The following BAD variants were observed in gnomAD, a reference collection of about 807,000 sequenced individuals.
The protein encoded by BAD is BCL2 associated agonist of cell death, also known as bcl2-associated agonist of cell death.
A neutral mutation model predicts 17.8 loss-of-function variants in BAD; 18 were observed. That is an observed-to-expected ratio of 1.01 (90% CI 0.70 to 1.50). BAD has a LOEUF of 1.50. BAD is among the 40% of genes most tolerant of loss of function. The probability of loss-of-function intolerance (pLI) is 0.00; values close to 1 mark genes in which losing one functional copy is unlikely to be tolerated. For synonymous variants in BAD, 112 were observed against 91.5 expected (o/e 1.22, Z -1.28); for missense variants, 294 against 239.3 (o/e 1.23, Z -1.51).
In BAD at chr11:64,274,389, G is replaced by GA. The variant is rs58134629; in HGVS notation, c.188-2587dup. Among the ~76,000 whole-genome samples, 687 of 105,334 alleles carry GA rather than the reference G, an allele frequency of 6.5e-3. 3 individuals carry two copies. Among genetic ancestry groups the GA allele is most frequent in the African/African-American group, 0.019 (517 of 27,796 alleles). 69.1% of individuals were successfully genotyped at this position (105,334 alleles called of 152,430 possible). On this transcript the variant is annotated intron_variant, in intron 2 of 3. Transcript: ENST00000309032. The stretch of plus-strand genomic sequence containing the variant: ...GTGACAGAGTGAAACTCTACCTCGA[G>GA]AAAAAAAAAAAAAGCAAGTAGGCGC...
chr11:64,280,646 T>C (rs1226738741), intron 2 of BAD, among the ~76,000 whole-genome samples: 1 of 140,566 alleles, frequency 7.1e-6, no homozygotes, highest in Non-Finnish European at 1.6e-5. Flanking sequence ...CCACCGCGCC[T>C]GGCCTAATTT....
In BAD at chr11:64,271,654, C is replaced by G. The variant is rs1423438115; in HGVS notation, c.337G>C (p.Glu113Gln). 6.6e-7 allele frequency: 1 copy of G among 1,508,588 alleles called. No homozygotes were observed. The highest frequency in any genetic ancestry group is 1.2e-5 in the South Asian group (1 of 80,064). 93.5% of individuals were successfully genotyped at this position (1,508,588 alleles called of 1,614,324 possible). ...AACTCGTCACTCATCCTCCGGAGCTCGCGGCCATAGCGCTGTGCTGCCCAG... is the reference window on the plus strand; with the variant it reads ...AACTCGTCACTCATCCTCCGGAGCTGGCGGCCATAGCGCTGTGCTGCCCAG... ...NLWAAQRYGR[E>Q]LRRMSDEFVD... is the part of the protein sequence containing the mutation. Residue 113 changes from glutamate to glutamine, a missense_variant, in exon 3 of 4, where the codon GAG becomes CAG. By Grantham distance (29) the Glu-to-Gln change is conservative (BLOSUM62 2). Transcript: ENST00000309032.
chr11:64,277,152 G>A (rs2033129765), intron 2 of BAD: 2 of 603,350 alleles, frequency 3.3e-6, no homozygotes, highest in African/African-American at 3.7e-5. Context: ...GAGCAGTGAA[G>A]CTCTGCCATC....
At chr11:64,284,049 A>G in intron 2 of BAD, 133 bp downstream of exon 2, 1 of 1,116,648 alleles carries the variant, frequency 9.0e-7, no homozygotes, top group Non-Finnish European at 1.2e-6. Context: ...TGTTTTACGA[A>G]AGAGGAAACT....
rs1310181798 is a variant in BAD, at chr11:64,270,167, G to C, written c.*42C>G. On this transcript the variant is annotated 3_prime_UTR_variant, in exon 4 of 4. Transcript: ENST00000309032. ...CGCCCATATTCAAGATGGCTGCCCA[G>C]GGCAGTGGGAACGGGTGGAGTTTCG... 1.9e-6 allele frequency: 3 copies of C among 1,613,776 alleles called. No homozygotes were observed. The highest frequency in any genetic ancestry group is 2.5e-6 in the Non-Finnish European group (3 of 1,179,946).
intron 2 of BAD, among the ~76,000 whole-genome samples, chr11:64,281,709 T>C (rs934048362): frequency 1.3e-5 from 2 of 152,174 alleles, no homozygotes; most frequent in African/African-American, 2.4e-5. Context: ...CCCCCGCCCC[T>C]GTGACTCCGG....
upstream of BAD, chr11:64,284,701 A>C (rs780777733): frequency 2.3e-5 from 35 of 1,534,864 alleles, no homozygotes; most frequent in Non-Finnish European, 3.1e-5. Context: ...TCCGGGCCCT[A>C]GTTGCTTGGG....
At position 64,271,713 on chromosome 11, in the gene BAD, A is replaced by C; in HGVS notation, c.278T>G (p.Phe93Cys). Reference sequence around the variant, plus strand: ...GGGCGCCGAGCGCGAGCGGCCCCGAAAGGGGCTGGGCTCCTCCCCCATCCC... The same window carrying C: ...GGGCGCCGAGCGCGAGCGGCCCCGACAGGGGCTGGGCTCCTCCCCCATCCC... ...DEGMGEEPSP[F>C]RGRSRSAPPN... The change falls in exon 3 of 4, where the codon TTT becomes TGT. Residue 93 changes from phenylalanine (F) to cysteine (C), a missense_variant. Phe to Cys is a radical substitution (Grantham distance 205, BLOSUM62 -2). Coordinates refer to ENST00000309032, the MANE Select transcript of BAD (RefSeq NM_032989.3). 1 of 1,473,762 alleles carries C rather than the reference A, an allele frequency of 6.8e-7. No individual in the cohort carries two copies. Among genetic ancestry groups the C allele is most frequent in the Non-Finnish European group, 9.0e-7 (1 of 1,114,196 alleles). The allele number at this position is 1,473,762 out of a possible 1,614,324, so 91.3% of individuals were successfully genotyped here.
intron 2 of BAD, among the ~76,000 whole-genome samples, chr11:64,281,651 G>A (rs1209816070): frequency 1.3e-5 from 2 of 152,172 alleles, no homozygotes; most frequent in Non-Finnish European, 2.9e-5. Context: ...TGGCTCCAGT[G>A]GTGCTTCTCA....
intron 2 of BAD, among the ~76,000 whole-genome samples, chr11:64,277,714 C>T (rs1035660507): frequency 6.6e-6 from 1 of 152,116 alleles, no homozygotes; most frequent in Non-Finnish European, 1.5e-5. Flanking sequence ...GCTGGGATTA[C>T]AGGTATGAAA....
intron 3 of BAD, among the ~76,000 whole-genome samples, chr11:64,271,381 T>TCACA (rs58303026): frequency 0.13 from 7,656 of 60,114 alleles, 1,372 homozygotes; most frequent in Non-Finnish European, 0.2. Context: ...GCCCTGTGAC[T>TCACA]CACACACACA....
chr11:64,270,267 ACT>A lies in BAD; in HGVS notation c.447_448del (p.Val150LeufsTer72), dbSNP rs2032409293. ...GTTCCGATCCCACCAGGACTGGAAG[ACT>A]CGCGTCCAGCTGGAGCTTTGCCGCA... On this transcript the variant is annotated frameshift_variant, in exon 4 of 4. Transcript: ENST00000309032. LOFTEE classifies it high-confidence loss of function. 2 of 1,594,126 alleles carry A rather than the reference ACT, an allele frequency of 1.3e-6. No individual in the cohort carries two copies. Among genetic ancestry groups the A allele is most frequent in the Non-Finnish European group, 1.7e-6 (2 of 1,165,620 alleles).
Position 64,270,168 on chromosome 11 carries a change from G to A in BAD, c.*41C>T, listed in dbSNP as rs1218879746. Reference sequence around the variant, plus strand: ...GCCCATATTCAAGATGGCTGCCCAGGGCAGTGGGAACGGGTGGAGTTTCGG... The same window carrying A: ...GCCCATATTCAAGATGGCTGCCCAGAGCAGTGGGAACGGGTGGAGTTTCGG... On this transcript the variant is annotated 3_prime_UTR_variant, in exon 4 of 4. Coordinates refer to ENST00000309032, the MANE Select transcript of BAD (RefSeq NM_032989.3). The A allele has an allele frequency of 6.2e-7, 1 of 1,613,900 alleles. No homozygotes were observed. Among genetic ancestry groups the A allele is most frequent in the East Asian group, 2.2e-5 (1 of 44,882 alleles).
intron 2 of BAD, among the ~76,000 whole-genome samples, chr11:64,283,427 C>T (rs1356246641): frequency 3.3e-5 from 5 of 152,306 alleles, no homozygotes; most frequent in Admixed American, 1.3e-4. Flanking sequence ...GTGCTAGAGC[C>T]TACTGAGAAA....
Position 64,270,013 on chromosome 11 carries a change from A to C in BAD, c.*196T>G. 1 of 1,108,816 alleles carries C rather than the reference A, an allele frequency of 9.0e-7. No homozygotes were observed. The highest frequency in any genetic ancestry group is 1.3e-6 in the Non-Finnish European group (1 of 770,142). The allele number at this position is 1,108,816 out of a possible 1,614,324, so 68.7% of individuals were successfully genotyped here. ...CCACTTCCGGCGGCTGTGGGCGGAA[A>C]ACCCAAAACTTCCGATGGGACCAAG... On this transcript the variant is annotated 3_prime_UTR_variant, in exon 4 of 4. Coordinates refer to ENST00000309032, the MANE Select transcript of BAD (RefSeq NM_032989.3).
At chr11:64,270,846 A>G (rs1462357611) in intron 3 of BAD, among the ~76,000 whole-genome samples, 3 of 152,008 alleles carry the variant, frequency 2.0e-5, no homozygotes, top group African/African-American at 7.3e-5. Flanking sequence ...CGGGGAACCC[A>G]GGAGCTTTGG....
chr11:64,270,494 G>T, intron 3 of BAD, 157 bp from the exon 4 acceptor site: 1 of 1,017,676 alleles, frequency 9.8e-7, no homozygotes, highest in Non-Finnish European at 1.4e-6. Context: ...AGGGACGCTC[G>T]CGAGGACGCA....
In BAD at chr11:64,271,758, G is replaced by T; in HGVS notation, c.233C>A (p.Ala78Glu). ...EIRSRHSSYP[A>E]GTEDDEGMGE... ...CATCCCTTCGTCGTCCTCCGTCCCC[G>T]CGGGGTAGGAGCTGTGGCGACTCCG... Residue 78 changes from alanine to glutamate, a missense_variant, in exon 3 of 4, where the codon GCG (alanine) becomes GAG (glutamate). By Grantham distance (107) the Ala-to-Glu change is moderately radical (BLOSUM62 -1). Coordinates refer to ENST00000309032, the MANE Select transcript of BAD (RefSeq NM_032989.3). The T allele has an allele frequency of 1.4e-6, 2 of 1,428,958 alleles. No homozygotes were observed. The highest frequency in any genetic ancestry group is 1.6e-5 in the South Asian group (1 of 64,436). 88.5% of individuals were successfully genotyped at this position (1,428,958 alleles called of 1,614,324 possible). A position where few individuals can be genotyped will look rare whatever the true frequency, so the allele number is the denominator to read the frequency against.
In BAD at chr11:64,284,615, G is replaced by C. The variant is rs568391428; in HGVS notation, c.-9+16C>G. The C allele has an allele frequency of 6.7e-7, 1 of 1,503,702 alleles. No individual in the cohort carries two copies. The highest frequency in any genetic ancestry group is 8.9e-7 in the Non-Finnish European group (1 of 1,129,884). 93.1% of individuals were successfully genotyped at this position (1,503,702 alleles called of 1,614,324 possible). A position where few individuals can be genotyped will look rare whatever the true frequency, so the allele number is the denominator to read the frequency against. ...CAGGCCCCGCCCCGCCCGTGGTGACGGCGCACAGGTCTCACCCCAAGCCCG... is the reference window on the plus strand; with the variant it reads ...CAGGCCCCGCCCCGCCCGTGGTGACCGCGCACAGGTCTCACCCCAAGCCCG... On this transcript the variant is annotated intron_variant, in intron 1 of 3. Coordinates refer to ENST00000309032, the MANE Select transcript of BAD (RefSeq NM_032989.3).
Sources: allele counts gnomAD v4.1 joint callset (sites outside exome capture counted in the v4.1 genomes callset), GRCh38; gene constraint gnomAD v4.1.1; transcripts MANE v1.5; gene names NCBI Gene and HGNC (gene_info 2026-07-23, HGNC 2026-07-21).